ACOXL: variants seen among roughly 807,000 people sequenced by gnomAD.
The protein encoded by ACOXL is acyl-CoA oxidase like.
Under a neutral mutation model 71.9 loss-of-function variants are expected in ACOXL, and 70 were observed. The observed-to-expected ratio is 0.97, with a 90% CI of 0.80 to 1.19. The LOEUF is 1.19. Among genes scored for constraint, ACOXL ranks in the 50% most tolerant of loss-of-function variants. The pLI is 0.00. For synonymous variants in ACOXL, 253 were observed against 281.6 expected, an observed-to-expected ratio of 0.90 and a Z score of 1.02; for missense variants, 703 against 736.3, an observed-to-expected ratio of 0.95 and a Z score of 0.52.
At chr2:110,849,795 C>T (rs1248333073) in intron 10 of ACOXL, among the ~76,000 whole-genome samples, 4 of 151,954 alleles carry the variant, frequency 2.6e-5, no homozygotes, top group Non-Finnish European at 5.9e-5. Context: ...AGAACTAGAC[C>T]AGCCAAGCAA....
intron 11 of ACOXL, among the ~76,000 whole-genome samples, chr2:110,930,246 A>G (rs113321570): frequency 6.6e-6 from 1 of 152,200 alleles, no homozygotes; most frequent in African/African-American, 2.4e-5. Context: ...ACGTGAGACA[A>G]AGAGTCAAAG....
chr2:110,866,091 C>A (rs1017534078), intron 10 of ACOXL, among the ~76,000 whole-genome samples: 22 of 152,222 alleles, frequency 1.4e-4, no homozygotes, highest in African/African-American at 5.1e-4. Context: ...GGAGGTCAGG[C>A]AGCTTGCCCA....
chr2:110,892,752 C>T (rs1698064046), intron 10 of ACOXL, among the ~76,000 whole-genome samples: 1 of 152,172 alleles, frequency 6.6e-6, no homozygotes, highest in Non-Finnish European at 1.5e-5. Context: ...CTTGTATTAA[C>T]TTCCTGGCAG....
intron 10 of ACOXL, among the ~76,000 whole-genome samples, chr2:110,852,299 C>T (rs1329254464): frequency 1.3e-5 from 2 of 152,110 alleles, no homozygotes; most frequent in East Asian, 1.9e-4. Context: ...AGGTCTTGCT[C>T]GTATTTCTGT....
chr2:110,824,702 T>C (rs1688979299), intron 9 of ACOXL, among the ~76,000 whole-genome samples: 1 of 152,228 alleles, frequency 6.6e-6, no homozygotes, highest in South Asian at 2.1e-4. Context: ...CTGCTAAGAT[T>C]CCCTATATTT....
intron 3 of ACOXL, among the ~76,000 whole-genome samples, chr2:110,790,049 C>T (rs934314402): frequency 1.3e-5 from 2 of 152,232 alleles, no homozygotes; most frequent in Non-Finnish European, 2.9e-5. Context: ...TAGCTTTCTC[C>T]TCCCTAAAGA....
In ACOXL at chr2:110,773,541, T is replaced by C. The variant is rs368714425; in HGVS notation, c.75+5077T>C. Among the ~76,000 whole-genome samples, 8 of 152,282 alleles carry C rather than the reference T, an allele frequency of 5.3e-5. No homozygotes were observed. In the East Asian group the frequency reaches 1.4e-3, roughly 26 times the overall value. ...CAGCCCCAGCGAGTGCTGCAGACTG[T>C]GACCGCTGTACTCCCCCACCCATCC... On this transcript the variant is annotated intron_variant, in intron 2 of 17. Coordinates refer to ENST00000439055, the MANE Select transcript of ACOXL (RefSeq NM_001142807.4).
intron 10 of ACOXL, among the ~76,000 whole-genome samples, chr2:110,862,473 A>G (rs1243123388): frequency 6.6e-6 from 1 of 152,168 alleles, no homozygotes; most frequent in Non-Finnish European, 1.5e-5. Context: ...CTCTAAAACA[A>G]TAATAAAAAA....
chr2:111,045,486 C>T (rs1457555644), intron 15 of ACOXL, among the ~76,000 whole-genome samples: 2 of 152,180 alleles, frequency 1.3e-5, no homozygotes, highest in African/African-American at 2.4e-5. Flanking sequence ...AGCACTGCTT[C>T]GTGCCGCCAC....
intron 1 of ACOXL, among the ~76,000 whole-genome samples, chr2:110,752,023 CTT>C (rs60152579): frequency 1.2e-4 from 17 of 141,792 alleles, no homozygotes; most frequent in African/African-American, 1.8e-4. Context: ...CTTTCTTCTT[CTT>C]TTTTTTTTTT....
chr2:110,868,550 C>CACACATCTTATTCATTTT (rs1452171636), intron 10 of ACOXL, among the ~76,000 whole-genome samples: 4 of 152,182 alleles, frequency 2.6e-5, no homozygotes, highest in Non-Finnish European at 4.4e-5. Context: ...TCTTCTAGTA[C>CACACATCTTATTCATTTT]ACACATCTTA....
At chr2:110,784,067 A>G (rs1410284749) in intron 2 of ACOXL, among the ~76,000 whole-genome samples, 1 of 152,204 alleles carries the variant, frequency 6.6e-6, no homozygotes, top group African/African-American at 2.4e-5. Context: ...CAAAGTAAAC[A>G]TACTGCTTTT....
At chr2:111,057,297 A>G (rs1247043129) in intron 16 of ACOXL, among the ~76,000 whole-genome samples, 1 of 152,180 alleles carries the variant, frequency 6.6e-6, no homozygotes, top group Non-Finnish European at 1.5e-5. Flanking sequence ...GCTGACTGCC[A>G]AAATAGGGGC....
At chr2:111,047,325 A>C (rs1037182205) in intron 15 of ACOXL, among the ~76,000 whole-genome samples, 1 of 152,218 alleles carries the variant, frequency 6.6e-6, no homozygotes, top group Non-Finnish European at 1.5e-5. Context: ...GAGAGCTGTC[A>C]GTGAGAATCC....
chr2:110,900,588 A>T (rs759765938), intron 10 of ACOXL, among the ~76,000 whole-genome samples: 9 of 152,162 alleles, frequency 5.9e-5, no homozygotes, highest in Non-Finnish European at 1.2e-4. Context: ...CAAAGCCTGA[A>T]TTTCTAACCA....
At chr2:111,027,325 CTT>C (rs530926518) in intron 14 of ACOXL, among the ~76,000 whole-genome samples, 63 of 142,094 alleles carry the variant, frequency 4.4e-4, no homozygotes, top group Middle Eastern at 3.8e-3. Flanking sequence ...GAAAATTATT[CTT>C]TTTTTTTTTT....
At chr2:111,005,963 C>T (rs970380234) in intron 14 of ACOXL, among the ~76,000 whole-genome samples, 4 of 152,144 alleles carry the variant, frequency 2.6e-5, no homozygotes, top group South Asian at 2.1e-4. Flanking sequence ...GTGTTTGTTA[C>T]GTTTTTAAAA....
intron 16 of ACOXL, among the ~76,000 whole-genome samples, chr2:111,061,319 A>G (rs1399843698): frequency 2.6e-5 from 4 of 152,192 alleles, no homozygotes; most frequent in Non-Finnish European, 5.9e-5. Flanking sequence ...ATGACAGCAT[A>G]TTTCTCATCA....
intron 1 of ACOXL, among the ~76,000 whole-genome samples, chr2:110,743,190 T>C (rs1220987307): frequency 6.6e-6 from 1 of 152,254 alleles, no homozygotes; most frequent in African/African-American, 2.4e-5. Flanking sequence ...AGCATGCTTT[T>C]GAGTTTCATT....
Sources: allele counts gnomAD v4.1 joint callset (sites outside exome capture counted in the v4.1 genomes callset), GRCh38; gene constraint gnomAD v4.1.1; transcripts MANE v1.5; gene names NCBI Gene and HGNC (gene_info 2026-07-23, HGNC 2026-07-21).